Variants in RBM20 observed in about 807,000 individuals in gnomAD.
RBM20 encodes the protein RNA-binding protein 20.
Under a neutral mutation model 110.1 loss-of-function variants are expected in RBM20, and 51 were observed. The ratio of observed to expected loss-of-function variants is 0.46; its 90% CI spans 0.37 to 0.59. The LOEUF (loss-of-function observed/expected upper bound fraction) is 0.59, where lower values mean the gene tolerates loss of function less well. RBM20 is among the 20% of genes least tolerant of loss of function. The pLI, the probability that RBM20 is intolerant of heterozygous loss-of-function variation, is 0.00. For synonymous variants in RBM20, 589 were observed against 618.2 expected (o/e 0.95, Z 0.70); for missense variants, 1,512 against 1,574.9 (o/e 0.96, Z 0.68).
intron 1 of RBM20, among the ~76,000 whole-genome samples, chr10:110,748,779 G>A (rs1412412454): frequency 2.0e-5 from 3 of 152,128 alleles, no homozygotes; most frequent in African/African-American, 7.2e-5. Flanking sequence ...GTGCCACTAA[G>A]TGCATTTACA....
At chr10:110,661,213 C>T (rs1361968914) in intron 1 of RBM20, among the ~76,000 whole-genome samples, 3 of 152,188 alleles carry the variant, frequency 2.0e-5, no homozygotes, top group African/African-American at 7.2e-5. Flanking sequence ...GCTTCAGGGT[C>T]TGAGTTTTGT....
chr10:110,808,205 G>A (rs1201651804), intron 7 of RBM20, among the ~76,000 whole-genome samples: 1 of 152,236 alleles, frequency 6.6e-6, no homozygotes, highest in Non-Finnish European at 1.5e-5. Flanking sequence ...TCTACCCCAA[G>A]TGACAACCGA....
chr10:110,835,918 A>G lies in RBM20; in HGVS notation c.3624A>G (p.Ala1208=). ...AEEGLKETEG[A]DSPRPEDSGI... ...AGGGCCTCAAGGAGACCGAGGGGGCAGATAGCCCGAGGCCAGAGGACAGCG... is the reference window on the plus strand; with the variant it reads ...AGGGCCTCAAGGAGACCGAGGGGGCGGATAGCCCGAGGCCAGAGGACAGCG... Residue 1208 remains alanine (A), a synonymous_variant, in exon 14 of 14, where the codon GCA becomes GCG. Coordinates refer to ENST00000369519, the MANE Select transcript of RBM20 (RefSeq NM_001134363.3). 1 of 1,521,026 alleles carries G rather than the reference A, an allele frequency of 6.6e-7. No homozygotes were observed. Among genetic ancestry groups the G allele is most frequent in the Admixed American group, 2.0e-5 (1 of 50,812 alleles). The allele number at this position is 1,521,026 out of a possible 1,614,324, so 94.2% of individuals were successfully genotyped here.
chr10:110,823,456 TTTGCCTTG>T lies in RBM20; in HGVS notation c.3317-23_3317-16del. On this transcript the variant is annotated splice_polypyrimidine_tract_variant and intron_variant, in intron 11 of 13. Transcript: ENST00000369519. ...CTTTTTTTTTTTTTTTTTTTTTTTT[TTTGCCTTG>T]GTTCATGTTTTGCAGAAAACTCCAG... 2 of 895,888 alleles carry T rather than the reference TTTGCCTTG, an allele frequency of 2.2e-6. No individual in the cohort carries two copies. The highest frequency in any genetic ancestry group is 3.2e-5 in the South Asian group (1 of 31,280). The allele number at this position is 895,888 out of a possible 1,614,324, so 55.5% of individuals were successfully genotyped here.
rs529569928 is a variant in RBM20, at chr10:110,663,445, A to G, written c.191+18800A>G. ...GTGCAGAAAAAGCGGATGGCATGCT[A>G]TCTATTATTTAAGAAATATACATGT... On this transcript the variant is annotated intron_variant, in intron 1 of 13. Transcript: ENST00000369519. Among the ~76,000 whole-genome samples, 19 of 152,348 alleles carry G rather than the reference A, an allele frequency of 1.2e-4. No individual in the cohort carries two copies. The South Asian group carries it at 1.9e-3, about 15-fold the overall frequency.
intron 1 of RBM20, among the ~76,000 whole-genome samples, chr10:110,676,934 A>G (rs1186270171): frequency 1.3e-5 from 2 of 152,252 alleles, no homozygotes; most frequent in Non-Finnish European, 2.9e-5. Flanking sequence ...ATTTTCAAGT[A>G]AGGCTGCAAT....
At chr10:110,825,259 T>C (rs546335803) in intron 12 of RBM20, among the ~76,000 whole-genome samples, 1 of 152,324 alleles carries the variant, frequency 6.6e-6, no homozygotes. Context: ...CATGGTACTG[T>C]GCTAGACACT....
chr10:110,730,497 G>A (rs904009730), intron 1 of RBM20, among the ~76,000 whole-genome samples: 1 of 152,224 alleles, frequency 6.6e-6, no homozygotes, highest in Admixed American at 6.5e-5. Context: ...CCTAGAAGAA[G>A]GAGGCAGCAT....
chr10:110,784,820 C>T lies in RBM20; in HGVS notation c.1458C>T (p.Tyr486=), dbSNP rs397516594. 57 of 1,550,750 alleles carry T rather than the reference C, an allele frequency of 3.7e-5. No homozygotes were observed. The highest frequency in any genetic ancestry group is 7.8e-5 in the Admixed American group (4 of 50,994). The change falls in exon 5 of 14, where the codon TAC becomes TAT. Residue 486 remains tyrosine (Y), a synonymous_variant. Coordinates refer to ENST00000369519, the MANE Select transcript of RBM20 (RefSeq NM_001134363.3). Reference sequence around the variant, plus strand: ...ATGCCTCAAATCTTGGAACATCATACGTGCCCATTCCAGCAAGGTCATTCA... The same window carrying T: ...ATGCCTCAAATCTTGGAACATCATATGTGCCCATTCCAGCAAGGTCATTCA... ...EDYASNLGTS[Y]VPIPARSFTQ... is the part of the protein sequence containing the mutation.
At position 110,838,180 on chromosome 10, in the gene RBM20, C is replaced by A; in HGVS notation, c.*2202C>A. 6.6e-6 allele frequency: 1 copy of A among 152,302 alleles called. No homozygotes were observed. Among genetic ancestry groups the A allele is most frequent in the Non-Finnish European group, 1.5e-5 (1 of 68,032 alleles). 9.4% of individuals were successfully genotyped at this position (152,302 alleles called of 1,614,324 possible). Reference sequence around the variant, plus strand: ...TTCTGTCTATAAAGCCAACCTCCTCCGCTCAGCTCATGGGAACACTCATTC... The same window carrying A: ...TTCTGTCTATAAAGCCAACCTCCTCAGCTCAGCTCATGGGAACACTCATTC... On this transcript the variant is annotated 3_prime_UTR_variant, in exon 14 of 14. Transcript: ENST00000369519.
intron 1 of RBM20, among the ~76,000 whole-genome samples, chr10:110,770,547 C>CT (rs373973380): frequency 6.6e-6 from 1 of 152,342 alleles, no homozygotes; most frequent in African/African-American, 2.4e-5. Flanking sequence ...TCCTCCCCCA[C>CT]TGGCCCACAT....
At chr10:110,691,690 T>A (rs1362366824) in intron 1 of RBM20, among the ~76,000 whole-genome samples, 1 of 152,232 alleles carries the variant, frequency 6.6e-6, no homozygotes, top group Non-Finnish European at 1.5e-5. Flanking sequence ...ATCAAGCATA[T>A]GATTTGCATA....
intron 1 of RBM20, among the ~76,000 whole-genome samples, chr10:110,654,434 T>C (rs1023229768): frequency 1.3e-5 from 2 of 152,242 alleles, no homozygotes; most frequent in Admixed American, 1.3e-4. Flanking sequence ...TCCATTTTAA[T>C]GCTAATGGAA....
At chr10:110,662,165 G>A (rs772850451) in intron 1 of RBM20, among the ~76,000 whole-genome samples, 8 of 152,262 alleles carry the variant, frequency 5.3e-5, no homozygotes, top group African/African-American at 1.9e-4. Context: ...AAATAGATCT[G>A]TGCTTTGTTA....
At chr10:110,736,528 T>C (rs892109200) in intron 1 of RBM20, among the ~76,000 whole-genome samples, 2 of 152,006 alleles carry the variant, frequency 1.3e-5, no homozygotes, top group Non-Finnish European at 2.9e-5. Context: ...TTTACCTTCA[T>C]CTTAAAAAAA....
rs1590627038 is a variant in RBM20 at position 110,704,074 on chromosome 10, C to T, written c.191+59429C>T. Among the ~76,000 whole-genome samples the T allele has an allele frequency of 2.6e-5, 4 of 152,278 alleles. No individual in the cohort carries two copies. In the South Asian group the frequency reaches 8.3e-4, roughly 32 times the overall value. Reference sequence around the variant, plus strand: ...TTGCAGTAAGCTGAGATCACACTACCACACTCCAGCCTGGGCAACAAAGCA... The same window carrying T: ...TTGCAGTAAGCTGAGATCACACTACTACACTCCAGCCTGGGCAACAAAGCA... On this transcript the variant is annotated intron_variant, in intron 1 of 13. Coordinates refer to ENST00000369519, the MANE Select transcript of RBM20 (RefSeq NM_001134363.3).
intron 1 of RBM20, among the ~76,000 whole-genome samples, chr10:110,692,057 C>T (rs1228424419): frequency 6.6e-6 from 1 of 152,056 alleles, no homozygotes; most frequent in African/African-American, 2.4e-5. Flanking sequence ...CCTTGGTACA[C>T]CTGTTGAAAA....
intron 3 of RBM20, 30 bp from the exon 4 acceptor site, chr10:110,784,311 G>C: frequency 2.0e-6 from 3 of 1,470,358 alleles, no homozygotes; most frequent in Non-Finnish European, 2.8e-6. Flanking sequence ...ACTTATTAAG[G>C]AGCCGGTTTC....
At chr10:110,768,842 A>G (rs1421424241) in intron 1 of RBM20, among the ~76,000 whole-genome samples, 1 of 152,226 alleles carries the variant, frequency 6.6e-6, no homozygotes, top group Non-Finnish European at 1.5e-5. Context: ...TGCAAAAAAT[A>G]TTTATCGATT....
Sources: allele counts gnomAD v4.1 joint callset (sites outside exome capture counted in the v4.1 genomes callset), GRCh38; gene constraint gnomAD v4.1.1; transcripts MANE v1.5; gene names NCBI Gene and HGNC (gene_info 2026-07-23, HGNC 2026-07-21).